The following LSAMP variants were observed in gnomAD, a reference collection of about 807,000 sequenced individuals.
The protein encoded by LSAMP is limbic system associated membrane protein, also known as limbic system-associated membrane protein.
In LSAMP, 7 loss-of-function variants were observed where a neutral mutation model predicts 38.6. The ratio of observed to expected loss-of-function variants is 0.18; its 90% CI spans 0.10 to 0.34. The LOEUF (loss-of-function observed/expected upper bound fraction) is 0.34. LSAMP is among the 10% of genes least tolerant of loss of function. The pLI is 1.00. For synonymous variants in LSAMP, 154 were observed against 166.8 expected (o/e 0.92, Z 0.59); for missense variants, 313 against 420.0 (o/e 0.75, Z 2.23).
chr3:115,812,845 C>T (rs761971055), intron 6 of LSAMP, among the ~76,000 whole-genome samples: 41 of 152,124 alleles, frequency 2.7e-4, no homozygotes, highest in Admixed American at 2.6e-4. Flanking sequence ...TGAATGATAT[C>T]TTGGGAAGGT....
intron 3 of LSAMP, among the ~76,000 whole-genome samples, chr3:115,953,299 T>C (rs1253143134): frequency 6.6e-6 from 1 of 152,186 alleles, no homozygotes; most frequent in Non-Finnish European, 1.5e-5. Flanking sequence ...ATTTTCTACA[T>C]ATCCTAGTCA....
chr3:116,081,383 A>G (rs1707868519), intron 2 of LSAMP, among the ~76,000 whole-genome samples: 2 of 151,944 alleles, frequency 1.3e-5, no homozygotes, highest in South Asian at 4.2e-4. Context: ...GAACCTGGGA[A>G]GCAGAGGTTG....
intron 3 of LSAMP, among the ~76,000 whole-genome samples, chr3:115,995,292 C>G (rs991743446): frequency 6.6e-6 from 1 of 152,024 alleles, no homozygotes; most frequent in Non-Finnish European, 1.5e-5. Context: ...TTATCTTCAC[C>G]TAAAAGTGCC....
rs140665628 is a variant in LSAMP, at chr3:116,076,011, C to A, written c.388+10313G>T. 3.0e-3 allele frequency among the ~76,000 whole-genome samples: 450 copies of A among 152,168 alleles called. 2 individuals are homozygous for A. The highest frequency in any genetic ancestry group is 0.01 in the Middle Eastern group (3 of 294). On this transcript the variant is annotated intron_variant, in intron 2 of 6. Transcript: ENST00000490035. ...TTTTACTTTTAAATCTTTAAGAGAT[C>A]TGGTGTTAATTTTCATACATGGCTG...
At chr3:116,258,945 G>A (rs898533108) in intron 1 of LSAMP, among the ~76,000 whole-genome samples, 6 of 152,138 alleles carry the variant, frequency 3.9e-5, no homozygotes, top group Middle Eastern at 3.4e-3. Context: ...TTAAAAATAC[G>A]TTTTAAAGAG....
At chr3:116,417,989 A>C (rs1399593089) in intron 1 of LSAMP, among the ~76,000 whole-genome samples, 1 of 152,200 alleles carries the variant, frequency 6.6e-6, no homozygotes, top group Non-Finnish European at 1.5e-5. Context: ...CAGTGGCTTT[A>C]ATAACCTAAA....
At chr3:116,382,975 T>C (rs2048581139) in intron 1 of LSAMP, among the ~76,000 whole-genome samples, 2 of 152,166 alleles carry the variant, frequency 1.3e-5, no homozygotes, top group South Asian at 4.1e-4. Context: ...TGTCCATAAA[T>C]GTTAATTTCC....
At chr3:116,121,870 T>C (rs1576376254) in intron 1 of LSAMP, among the ~76,000 whole-genome samples, 1 of 146,762 alleles carries the variant, frequency 6.8e-6, no homozygotes, top group East Asian at 2.0e-4. Context: ...TAAAACATTA[T>C]GAGATTTTTT....
intron 2 of LSAMP, among the ~76,000 whole-genome samples, chr3:116,068,859 A>G (rs1050251620): frequency 2.0e-5 from 3 of 152,224 alleles, no homozygotes; most frequent in African/African-American, 7.2e-5. Flanking sequence ...TTGCACTAGT[A>G]GAGGAAATAA....
intron 3 of LSAMP, among the ~76,000 whole-genome samples, chr3:115,902,235 T>C (rs1936893759): frequency 6.6e-6 from 1 of 152,096 alleles, no homozygotes. Context: ...CATATATTAC[T>C]ATTATTCTAT....
chr3:115,894,686 C>G (rs960976406), intron 3 of LSAMP, among the ~76,000 whole-genome samples: 1 of 152,028 alleles, frequency 6.6e-6, no homozygotes, highest in Non-Finnish European at 1.5e-5. Flanking sequence ...AAAAAAATCT[C>G]AAGCCACTGA....
chr3:116,241,677 C>T (rs572180738), intron 1 of LSAMP, among the ~76,000 whole-genome samples: 7 of 152,176 alleles, frequency 4.6e-5, no homozygotes, highest in African/African-American at 7.2e-5. Context: ...ACACAGATCA[C>T]GCCATTCTAG....
intron 2 of LSAMP, among the ~76,000 whole-genome samples, chr3:116,035,270 A>G (rs1941022594): frequency 6.6e-6 from 1 of 152,182 alleles, no homozygotes; most frequent in Non-Finnish European, 1.5e-5. Context: ...GCTATTTGTG[A>G]AACATGACTC....
At chr3:116,202,511 C>T (rs2046001342) in intron 1 of LSAMP, among the ~76,000 whole-genome samples, 1 of 151,892 alleles carries the variant, frequency 6.6e-6, no homozygotes, top group African/African-American at 2.4e-5. Flanking sequence ...GTGGTGCGAT[C>T]ATAGCTCACT....
At chr3:116,326,738 A>T (rs2047778208) in intron 1 of LSAMP, among the ~76,000 whole-genome samples, 1 of 152,158 alleles carries the variant, frequency 6.6e-6, no homozygotes, top group South Asian at 2.1e-4. Flanking sequence ...GTATGTGAAA[A>T]CACTGACACC....
At chr3:116,299,526 GAAT>G (rs546407573) in intron 1 of LSAMP, among the ~76,000 whole-genome samples, 161 of 152,300 alleles carry the variant, frequency 1.1e-3, no homozygotes, top group African/African-American at 3.7e-3. Flanking sequence ...CTTACACTGA[GAAT>G]AATAGCAATA....
intron 1 of LSAMP, among the ~76,000 whole-genome samples, chr3:116,208,282 T>C (rs1219680715): frequency 6.7e-6 from 1 of 150,146 alleles, no homozygotes; most frequent in African/African-American, 2.4e-5. Context: ...CTGTATTGGT[T>C]ATTCTAGTTA....
chr3:116,322,270 T>G (rs2047715825), intron 1 of LSAMP, among the ~76,000 whole-genome samples: 1 of 152,190 alleles, frequency 6.6e-6, no homozygotes, highest in Non-Finnish European at 1.5e-5. Flanking sequence ...ACTTTTGGTA[T>G]AGTAATTTTA....
chr3:116,386,398 A>G (rs748333865), intron 1 of LSAMP, among the ~76,000 whole-genome samples: 1 of 152,180 alleles, frequency 6.6e-6, no homozygotes, highest in Non-Finnish European at 1.5e-5. Flanking sequence ...CCATCTGGTC[A>G]TAGTCTACAT....
Sources: allele counts gnomAD v4.1 joint callset (sites outside exome capture counted in the v4.1 genomes callset), GRCh38; gene constraint gnomAD v4.1.1; transcripts MANE v1.5; gene names NCBI Gene and HGNC (gene_info 2026-07-23, HGNC 2026-07-21).